The following CGGBP1 variants were observed in gnomAD, a reference collection of about 807,000 sequenced individuals.
CGGBP1 encodes CGG triplet repeat-binding protein 1.
Under a neutral mutation model 11.4 loss-of-function variants are expected in CGGBP1, and 4 were observed. That is an observed-to-expected ratio of 0.35 (90% CI 0.17 to 0.80). The LOEUF is 0.80. Among genes scored for constraint, CGGBP1 ranks in the 30% least tolerant of loss-of-function variants. The probability of loss-of-function intolerance (pLI) is 0.52; values close to 1 mark genes in which losing one functional copy is unlikely to be tolerated. For missense variants in CGGBP1, 135 were observed against 202.1 expected (o/e 0.67, Z 2.01); for synonymous variants, 76 against 74.1 (o/e 1.03, Z -0.13).
At chr3:88,125,624 A>G (rs1296060664) in intron 2 of CGGBP1, among the ~76,000 whole-genome samples, 2 of 152,180 alleles carry the variant, frequency 1.3e-5, no homozygotes, top group Non-Finnish European at 2.9e-5. Context: ...CAGAATCTCC[A>G]TCTTCCAGCC....
At chr3:88,089,073 T>TA (rs931132620) in intron 2 of CGGBP1, among the ~76,000 whole-genome samples, 136 of 150,218 alleles carry the variant, frequency 9.1e-4, no homozygotes, top group Non-Finnish European at 1.6e-3. Flanking sequence ...ACGCCTGACC[T>TA]AAAAAAAACT....
chr3:88,088,748 G>A (rs200026142), intron 2 of CGGBP1, among the ~76,000 whole-genome samples: 2 of 79,694 alleles, frequency 2.5e-5, no homozygotes, highest in African/African-American at 8.2e-5. Flanking sequence ...CTTTATTTAT[G>A]TATGTATGTA....
intron 1 of CGGBP1, chr3:88,149,685 C>G (rs1438802627): frequency 6.4e-6 from 1 of 157,010 alleles, no homozygotes; most frequent in South Asian, 1.8e-4. Context: ...GCGGTGCGCC[C>G]GGGTGGCGGG....
At position 88,055,803 on chromosome 3, in the gene CGGBP1, A is replaced by G. The variant is rs1304651086; in HGVS notation, c.174T>C (p.Ile58=). The change falls in exon 4 of 4, where the codon ATT becomes ATC. Residue 58 remains isoleucine, a synonymous_variant. Transcript: ENST00000482016. This position sits in a 1 kb window ranked among gnomAD's most constrained non-coding sequence, Gnocchi z 4.2. The part of the protein sequence containing the change: ...VVLNHVRKSA[I]SDHLKSKTHT... ...GAGTCTTTGACTTGAGGTGGTCACT[A>G]ATGGCAGACTTGCGAACATGATTCA... is the stretch of plus-strand genomic sequence containing the variant. 8 of 1,614,190 alleles carry G rather than the reference A, an allele frequency of 5.0e-6. No homozygotes were observed. In the East Asian group the frequency reaches 1.8e-4, roughly 36 times the overall value.
upstream of CGGBP1, chr3:88,059,461 G>A (rs1432026274): frequency 7.9e-6 from 12 of 1,522,378 alleles, no homozygotes; most frequent in Non-Finnish European, 7.9e-6. Flanking sequence ...CTGCGGCGGC[G>A]GCGTCGGAAT....
At chr3:88,082,701 GTTTTC>G (rs1708143160) in intron 2 of CGGBP1, among the ~76,000 whole-genome samples, 1 of 152,142 alleles carries the variant, frequency 6.6e-6, no homozygotes, top group Non-Finnish European at 1.5e-5. Context: ...ATGTTTGGTA[GTTTTC>G]TTTGTTACAT....
chr3:88,083,942 TA>T (rs1387089694), intron 2 of CGGBP1, among the ~76,000 whole-genome samples: 2 of 584 alleles, frequency 3.4e-3, no homozygotes, highest in Admixed American at 0.091. Context: ...GTACTTATTT[TA>T]TATATATATA....
At chr3:88,069,932 G>A (rs551481731) in intron 2 of CGGBP1, among the ~76,000 whole-genome samples, 1 of 152,272 alleles carries the variant, frequency 6.6e-6, no homozygotes, top group South Asian at 2.1e-4. Flanking sequence ...TGAATATCTG[G>A]AAATCCTACC....
At chr3:88,101,438 A>G (rs1433050933) in intron 2 of CGGBP1, among the ~76,000 whole-genome samples, 1 of 152,206 alleles carries the variant, frequency 6.6e-6, no homozygotes, top group Non-Finnish European at 1.5e-5. Flanking sequence ...GTCTTGCGAA[A>G]TAGTCATGTA....
At chr3:88,123,698 A>G (rs1200131273) in intron 2 of CGGBP1, among the ~76,000 whole-genome samples, 4 of 152,204 alleles carry the variant, frequency 2.6e-5, no homozygotes, top group Non-Finnish European at 4.4e-5. Flanking sequence ...GTCCCATAGT[A>G]CTGACTGATG....
intron 2 of CGGBP1, among the ~76,000 whole-genome samples, chr3:88,096,911 T>A (rs752209392): frequency 1.3e-5 from 2 of 152,180 alleles, no homozygotes; most frequent in Non-Finnish European, 2.9e-5. Flanking sequence ...CCTCATATTA[T>A]CATTTTAGAC....
At chr3:88,126,201 A>T in intron 2 of CGGBP1, 1 of 1,531,316 alleles carries the variant, frequency 6.5e-7, no homozygotes. Context: ...ATCATTAGAG[A>T]TGGTGGCCCA....
chr3:88,075,126 A>T (rs1324510738), intron 2 of CGGBP1, among the ~76,000 whole-genome samples: 1 of 152,162 alleles, frequency 6.6e-6, no homozygotes, highest in South Asian at 2.1e-4. Flanking sequence ...TATTTCCATC[A>T]TATTAAAAGC....
chr3:88,092,418 G>C (rs6793783), intron 2 of CGGBP1, among the ~76,000 whole-genome samples: 119,084 of 152,006 alleles, frequency 0.78, 47,567 homozygotes, highest in South Asian at 0.91. Context: ...GAGAATTACA[G>C]AATGCAATGA....
At chr3:88,112,002 T>A (rs745482217) in intron 2 of CGGBP1, among the ~76,000 whole-genome samples, 7 of 151,988 alleles carry the variant, frequency 4.6e-5, no homozygotes, top group Non-Finnish European at 7.4e-5. Flanking sequence ...TTGACTTTTT[T>A]AACCTAACTT....
At chr3:88,128,814 A>C (rs1012301030) in intron 2 of CGGBP1, 1 of 1,533,144 alleles carries the variant, frequency 6.5e-7, no homozygotes, top group Admixed American at 2.0e-5. Context: ...TATAGTGAAC[A>C]AATATTTAAG....
upstream of CGGBP1, among the ~76,000 whole-genome samples, chr3:88,060,398 C>A (rs540356666): frequency 6.6e-6 from 1 of 152,252 alleles, no homozygotes; most frequent in Non-Finnish European, 1.5e-5. Context: ...AGTTTGTGTA[C>A]TCTGCATTCT....
chr3:88,078,247 G>A (rs1050612582), intron 2 of CGGBP1, among the ~76,000 whole-genome samples: 2 of 151,988 alleles, frequency 1.3e-5, no homozygotes, highest in African/African-American at 4.8e-5. Context: ...TAAATCAACT[G>A]GTATGAATGA....
chr3:88,090,927 C>T (rs1490797023), intron 2 of CGGBP1, among the ~76,000 whole-genome samples: 1 of 152,222 alleles, frequency 6.6e-6, no homozygotes, highest in African/African-American at 2.4e-5. Flanking sequence ...TGTTGGGCCT[C>T]ATTCAAAGCC....
Sources: gnomAD v4.1 joint callset for allele counts (sites outside exome capture counted in the v4.1 genomes callset) on GRCh38, gnomAD v4.1.1 for gene constraint, Gnocchi (gnomAD v3.1) non-coding constraint, MANE v1.5 for transcripts, NCBI Gene and HGNC (gene_info 2026-07-23, HGNC 2026-07-21) for gene names.